The following PCDH9 variants were observed in gnomAD, a reference collection of about 807,000 sequenced individuals.
The protein encoded by PCDH9 is protocadherin-9.
Under a neutral mutation model 70.6 loss-of-function variants are expected in PCDH9, and 24 were observed. The ratio of observed to expected loss-of-function variants is 0.34; its 90% CI spans 0.25 to 0.48. The LOEUF (loss-of-function observed/expected upper bound fraction) is 0.48, where lower values mean the gene tolerates loss of function less well. Among genes scored for constraint, PCDH9 ranks in the 20% least tolerant of loss-of-function variants. PCDH9 has a pLI of 0.99. For synonymous variants in PCDH9, 562 were observed against 558.5 expected, an observed-to-expected ratio of 1.01 and a Z score of -0.09; for missense variants, 1,281 against 1,503.6, an observed-to-expected ratio of 0.85 and a Z score of 2.45.
chr13:66,587,950 T>C (rs996191087), intron 4 of PCDH9, among the ~76,000 whole-genome samples: 4 of 152,094 alleles, frequency 2.6e-5, no homozygotes, highest in African/African-American at 4.8e-5. Flanking sequence ...ATGCTTTTGG[T>C]TGAATGTCGC....
intron 3 of PCDH9, among the ~76,000 whole-genome samples, chr13:66,658,160 G>A (rs1362298270): frequency 6.6e-6 from 1 of 152,076 alleles, no homozygotes; most frequent in East Asian, 1.9e-4. Flanking sequence ...TCCCCCGATT[G>A]TACTAGTAAA....
chr13:66,437,156 T>C (rs961616517), intron 4 of PCDH9, among the ~76,000 whole-genome samples: 1 of 151,188 alleles, frequency 6.6e-6, no homozygotes, highest in Non-Finnish European at 1.5e-5. Context: ...ACCTGTAATC[T>C]CAGCACTTTG....
At chr13:66,613,960 T>C (rs1314624576) in intron 4 of PCDH9, among the ~76,000 whole-genome samples, 1 of 152,340 alleles carries the variant, frequency 6.6e-6, no homozygotes, top group East Asian at 1.9e-4. Context: ...TTTTAGGTTT[T>C]GAGAACTATT....
intron 4 of PCDH9, among the ~76,000 whole-genome samples, chr13:66,413,316 A>T (rs1361645317): frequency 6.6e-6 from 1 of 152,216 alleles, no homozygotes; most frequent in Non-Finnish European, 1.5e-5. Flanking sequence ...GAATCTCCCT[A>T]TACCCACATG....
chr13:66,775,569 G>A (rs1205107182), intron 3 of PCDH9, among the ~76,000 whole-genome samples: 1 of 152,140 alleles, frequency 6.6e-6, no homozygotes, highest in African/African-American at 2.4e-5. Context: ...TCAATGTGAA[G>A]ATGATGAGGA....
At chr13:66,787,083 G>A (rs75123169) in intron 3 of PCDH9, among the ~76,000 whole-genome samples, 2,402 of 152,164 alleles carry the variant, frequency 0.016, 76 homozygotes, top group African/African-American at 0.053. Context: ...AATAATTTAG[G>A]TGGGAAGTAG....
intron 2 of PCDH9, among the ~76,000 whole-genome samples, chr13:67,185,795 C>T (rs966168998): frequency 3.3e-5 from 5 of 152,170 alleles, no homozygotes; most frequent in Non-Finnish European, 7.3e-5. Flanking sequence ...TGCAATGGCA[C>T]AATCTCAGCT....
At chr13:66,662,057 GTGTGTA>G (rs1292449842) in intron 3 of PCDH9, among the ~76,000 whole-genome samples, 2 of 151,386 alleles carry the variant, frequency 1.3e-5, no homozygotes, top group Admixed American at 1.3e-4. Flanking sequence ...GTGTGTGTGT[GTGTGTA>G]TGTGTGTATG....
At chr13:66,533,344 T>C (rs1960552236) in intron 4 of PCDH9, among the ~76,000 whole-genome samples, 1 of 152,046 alleles carries the variant, frequency 6.6e-6, no homozygotes, top group Non-Finnish European at 1.5e-5. Flanking sequence ...TAGTCTCTCA[T>C]ATTAAACCAC....
chr13:66,998,131 G>A, intron 2 of PCDH9, among the ~76,000 whole-genome samples: 1 of 152,156 alleles, frequency 6.6e-6, no homozygotes, highest in East Asian at 1.9e-4. Context: ...GGCCTTCAGG[G>A]TAAATAATGA....
intron 3 of PCDH9, among the ~76,000 whole-genome samples, chr13:66,831,827 T>A (rs532420136): frequency 6.6e-6 from 1 of 152,206 alleles, no homozygotes; most frequent in Admixed American, 6.5e-5. Flanking sequence ...TACCCTAGTA[T>A]AAGAAGATGA....
At chr13:67,155,540 G>C (rs2087787406) in intron 2 of PCDH9, among the ~76,000 whole-genome samples, 1 of 152,050 alleles carries the variant, frequency 6.6e-6, no homozygotes, top group Admixed American at 6.5e-5. Context: ...AAATAACAAG[G>C]GAGCATATGT....
intron 4 of PCDH9, among the ~76,000 whole-genome samples, chr13:66,454,990 T>G (rs1267138489): frequency 6.6e-6 from 1 of 152,094 alleles, no homozygotes; most frequent in East Asian, 1.9e-4. Context: ...GGAAAGCATT[T>G]TATAAAAAAA....
intron 4 of PCDH9, among the ~76,000 whole-genome samples, chr13:66,360,776 G>A (rs1193591243): frequency 6.6e-6 from 1 of 152,012 alleles, no homozygotes. Context: ...GGAAATAAAT[G>A]TTAAGTGAAG....
At chr13:66,387,543 TAA>T (rs35239094) in intron 4 of PCDH9, among the ~76,000 whole-genome samples, 101 of 115,362 alleles carry the variant, frequency 8.8e-4, no homozygotes, top group African/African-American at 1.5e-3. Context: ...GATCTGGTGG[TAA>T]AAAAAAAAAA....
At chr13:67,071,489 A>G (rs1397939414) in intron 2 of PCDH9, among the ~76,000 whole-genome samples, 1 of 152,218 alleles carries the variant, frequency 6.6e-6, no homozygotes, top group Non-Finnish European at 1.5e-5. Flanking sequence ...TAAAGTTACC[A>G]TAATATTTGT....
At position 66,304,260 on chromosome 13, in the gene PCDH9, C is replaced by CAAAAAAAAAAAAAAAAA. The variant is rs55837718; in HGVS notation, c.*378_*394dup. Reference sequence around the variant, plus strand: ...TAGCAGTCCCAGCACAAATCAATGACAAAAAAAAAAAAAAAAAAAAAAAAA... The same window carrying CAAAAAAAAAAAAAAAAA: ...TAGCAGTCCCAGCACAAATCAATGACAAAAAAAAAAAAAAAAAAAAAAAAAAAAAAAAAAAAAAAAAA... On this transcript the variant is annotated 3_prime_UTR_variant, in exon 5 of 5. Transcript: ENST00000377865. 14 of 65,356 alleles carry CAAAAAAAAAAAAAAAAA rather than the reference C, an allele frequency of 2.1e-4. 1 individual carries two copies. The highest frequency in any genetic ancestry group is 3.0e-4 in the Non-Finnish European group (11 of 36,828). 4.0% of individuals were successfully genotyped at this position (65,356 alleles called of 1,614,324 possible).
rs545143090 is a variant in PCDH9, at chr13:67,200,899, ATG to A, written c.3036+24504_3036+24505del. ...GGGCTATAGCTGTTAACCAAACCAC[ATG>A]TTTTCACTCATCATTTTTTCAATAA... On this transcript the variant is annotated intron_variant, in intron 2 of 4. Coordinates refer to ENST00000377865, the MANE Select transcript of PCDH9 (RefSeq NM_203487.3). 61 of 152,196 alleles carry A rather than the reference ATG, an allele frequency of 4.0e-4. 1 individual carries two copies. The East Asian group carries it at 0.011, about 28-fold the overall frequency. 9.4% of individuals were successfully genotyped at this position (152,196 alleles called of 1,614,324 possible).
chr13:66,393,133 A>G (rs1205509262), intron 4 of PCDH9, among the ~76,000 whole-genome samples: 1 of 152,306 alleles, frequency 6.6e-6, no homozygotes, highest in South Asian at 2.1e-4. Flanking sequence ...GTTTCATTCT[A>G]GTCTTAAAAT....
Sources: allele counts gnomAD v4.1 joint callset (sites outside exome capture counted in the v4.1 genomes callset), GRCh38; gene constraint gnomAD v4.1.1; transcripts MANE v1.5; gene names NCBI Gene and HGNC (gene_info 2026-07-23, HGNC 2026-07-21).